The following MCTP1 variants were observed in gnomAD, a reference collection of about 807,000 sequenced individuals.
MCTP1 encodes the protein multiple C2 and transmembrane domain-containing protein 1.
Under a neutral mutation model 120.6 loss-of-function variants are expected in MCTP1, and 69 were observed. The observed-to-expected ratio is 0.57, with a 90% confidence interval of 0.47 to 0.70. The LOEUF (loss-of-function observed/expected upper bound fraction) is 0.70. Ranked by LOEUF, MCTP1 falls within the 30% of genes least tolerant of loss-of-function variation. The pLI is 0.00. For synonymous variants in MCTP1, 529 were observed against 493.1 expected (o/e 1.07, Z -0.96); for missense variants, 1,203 against 1,248.8 (o/e 0.96, Z 0.55).
chr5:94,773,804 A>G (rs1455993226), intron 19 of MCTP1, among the ~76,000 whole-genome samples: 1 of 152,146 alleles, frequency 6.6e-6, no homozygotes, highest in Non-Finnish European at 1.5e-5. Flanking sequence ...CAGCACAGGA[A>G]AGATCCACTC....
intron 1 of MCTP1, among the ~76,000 whole-genome samples, chr5:95,086,986 T>C (rs1239627954): frequency 6.6e-6 from 1 of 152,224 alleles, no homozygotes; most frequent in Non-Finnish European, 1.5e-5. Flanking sequence ...TTTCTCTCAC[T>C]GAAGGTTATA....
At chr5:94,816,299 AGT>A (rs1219294747) in intron 17 of MCTP1, among the ~76,000 whole-genome samples, 1 of 152,130 alleles carries the variant, frequency 6.6e-6, no homozygotes, top group Non-Finnish European at 1.5e-5. Flanking sequence ...TCCCATGGGA[AGT>A]GTGTATCCAT....
chr5:95,009,052 G>A (rs571289885), intron 2 of MCTP1, among the ~76,000 whole-genome samples: 4 of 97,188 alleles, frequency 4.1e-5, no homozygotes, highest in African/African-American at 1.5e-4. Flanking sequence ...GTGAGAGAGG[G>A]AGAAAGAGAG....
At chr5:95,071,862 A>T (rs1752241523) in intron 1 of MCTP1, among the ~76,000 whole-genome samples, 2 of 152,322 alleles carry the variant, frequency 1.3e-5, no homozygotes, top group South Asian at 4.1e-4. Flanking sequence ...AAAATCTGGC[A>T]ATCATATGCT....
intron 2 of MCTP1, among the ~76,000 whole-genome samples, chr5:94,985,575 T>C (rs1020523303): frequency 2.0e-5 from 3 of 152,156 alleles, no homozygotes; most frequent in Admixed American, 2.0e-4. Context: ...CAAACCCAAG[T>C]CCTACTCTCT....
chr5:95,085,448 TGG>T (rs1755359499), intron 1 of MCTP1, among the ~76,000 whole-genome samples: 6 of 151,326 alleles, frequency 4.0e-5, no homozygotes, highest in South Asian at 4.2e-4. Flanking sequence ...GATTTACATG[TGG>T]TTCTGCTTAG....
At chr5:95,277,432 G>T (rs921163316) in intron 1 of MCTP1, among the ~76,000 whole-genome samples, 1 of 152,178 alleles carries the variant, frequency 6.6e-6, no homozygotes, top group African/African-American at 2.4e-5. Flanking sequence ...AAAAGGACTT[G>T]GAATTGAGAA....
At chr5:94,748,361 A>G (rs1049072946) in intron 19 of MCTP1, among the ~76,000 whole-genome samples, 6 of 152,260 alleles carry the variant, frequency 3.9e-5, no homozygotes, top group African/African-American at 1.2e-4. Flanking sequence ...TTGTCGAGAC[A>G]GCAGTCCGTT....
chr5:94,734,470 A>G (rs150191442), intron 19 of MCTP1, among the ~76,000 whole-genome samples: 2 of 152,344 alleles, frequency 1.3e-5, no homozygotes, highest in East Asian at 3.9e-4. Context: ...CTATGTGTCA[A>G]ACACTGTGTC....
intron 20 of MCTP1, among the ~76,000 whole-genome samples, chr5:94,713,334 C>G (rs746330218): frequency 6.6e-5 from 10 of 152,066 alleles, no homozygotes; most frequent in Non-Finnish European, 1.3e-4. Flanking sequence ...CCAGGTTTCC[C>G]CAAGGCTGAA....
intron 2 of MCTP1, among the ~76,000 whole-genome samples, chr5:94,992,990 G>A (rs993455698): frequency 2.0e-5 from 3 of 152,010 alleles, no homozygotes; most frequent in Admixed American, 1.3e-4. Context: ...TATGCTTTTG[G>A]GAAAAGCCAT....
At position 95,205,498 on chromosome 5, in the gene MCTP1, T is replaced by C. The variant is rs1751527345; in HGVS notation, c.720+78358A>G. Among the ~76,000 whole-genome samples the C allele has an allele frequency of 2.6e-5, 4 of 152,104 alleles. 1 individual carries two copies. Among genetic ancestry groups the C allele is most frequent in the Admixed American group, 2.6e-4 (4 of 15,270 alleles). On this transcript the variant is annotated intron_variant, in intron 1 of 22. Coordinates refer to ENST00000515393, the MANE Select transcript of MCTP1 (RefSeq NM_024717.7). ...AAAAAATAACGGTACTTCATCAAAA[T>C]TAATGTGAAATAATTTGCGTTTCAA...
intron 10 of MCTP1, among the ~76,000 whole-genome samples, chr5:94,908,857 G>C (rs916605367): frequency 6.6e-6 from 1 of 151,994 alleles, no homozygotes; most frequent in Admixed American, 6.6e-5. Flanking sequence ...CTACCTTGTA[G>C]GGCGTTGTAG....
intron 11 of MCTP1, among the ~76,000 whole-genome samples, chr5:94,891,021 C>T (rs1419632416): frequency 1.3e-5 from 2 of 152,108 alleles, no homozygotes; most frequent in African/African-American, 4.8e-5. Flanking sequence ...AGAATACTGA[C>T]AAGCAAAAGC....
Position 94,940,189 on chromosome 5 carries a change from T to C in MCTP1, c.1068A>G (p.Thr356=). The change falls in exon 5 of 23, where the codon ACA becomes ACG. Residue 356 remains threonine, a synonymous_variant. Transcript: ENST00000515393. ...GATCTTTCAGAGTAAGGGTCACATCTGTGGGCCTGTGATAGAAAATATTTA... is the reference window on the plus strand; with the variant it reads ...GATCTTTCAGAGTAAGGGTCACATCCGTGGGCCTGTGATAGAAAATATTTA... ...DLTQLELNRP[T]DVTLTLKDPH... is the part of the protein sequence containing the mutation. 6.3e-7 allele frequency: 1 copy of C among 1,576,068 alleles called. No individual in the cohort carries two copies.
chr5:94,946,485 TA>T (rs991032547), intron 3 of MCTP1, among the ~76,000 whole-genome samples: 5 of 152,006 alleles, frequency 3.3e-5, no homozygotes, highest in African/African-American at 1.2e-4. Context: ...ATAGAAAAGG[TA>T]AAAAGAGATA....
At chr5:95,039,565 T>A (rs1841958216) in intron 1 of MCTP1, among the ~76,000 whole-genome samples, 1 of 152,202 alleles carries the variant, frequency 6.6e-6, no homozygotes, top group Admixed American at 6.5e-5. Context: ...TTTGTGAGAT[T>A]TAAAATTCTA....
At chr5:94,881,327 C>T (rs1442543066) in intron 12 of MCTP1, among the ~76,000 whole-genome samples, 1 of 152,054 alleles carries the variant, frequency 6.6e-6, no homozygotes, top group Admixed American at 6.6e-5. Context: ...TTCTTAGGCC[C>T]TTCCTGCCCC....
At chr5:95,159,240 A>C (rs1745460197) in intron 1 of MCTP1, among the ~76,000 whole-genome samples, 2 of 152,214 alleles carry the variant, frequency 1.3e-5, no homozygotes, top group Admixed American at 6.5e-5. Flanking sequence ...TGAAGACATC[A>C]ATGATTGACT....
Sources: gnomAD v4.1 joint callset for allele counts (sites outside exome capture counted in the v4.1 genomes callset) on GRCh38, gnomAD v4.1.1 for gene constraint, MANE v1.5 for transcripts, NCBI Gene and HGNC (gene_info 2026-07-23, HGNC 2026-07-21) for gene names.